Variants in ZNF141 observed in about 807,000 individuals in gnomAD.
ZNF141 encodes the protein zinc finger protein 141 (clone pHZ-44).
In ZNF141, 7 loss-of-function variants were observed where a neutral mutation model predicts 11.3. That is an observed-to-expected ratio of 0.62 (90% CI 0.35 to 1.16). The LOEUF is 1.16. ZNF141 is among the 50% of genes most tolerant of loss of function. The probability of loss-of-function intolerance (pLI) is 0.02; values close to 1 mark genes in which losing one functional copy is unlikely to be tolerated. For missense variants in ZNF141, 535 were observed against 554.0 expected (o/e 0.97, Z 0.34); for synonymous variants, 183 against 190.7 (o/e 0.96, Z 0.33).
chr4:359,901 G>T lies in ZNF141; in HGVS notation c.227-12763G>T, dbSNP rs544764266. Among the ~76,000 whole-genome samples the T allele has an allele frequency of 4.5e-4, 68 of 152,248 alleles. 1 individual carries two copies. Among genetic ancestry groups the T allele is most frequent in the Non-Finnish European group, 8.4e-4 (57 of 68,012 alleles). On this transcript the variant is annotated intron_variant, in intron 3 of 3. Transcript: ENST00000240499. ...ACATGTGCAAGGGGTGCAGTTTGGG[G>T]TAATTCAGAGATCACAGACAGAAGC...
At chr4:352,107 G>C (rs1257354094) in intron 3 of ZNF141, among the ~76,000 whole-genome samples, 1 of 152,164 alleles carries the variant, frequency 6.6e-6, no homozygotes, top group African/African-American at 2.4e-5. Flanking sequence ...AGGTAGGAGG[G>C]CCAGGCATGG....
At position 362,864 on chromosome 4, in the gene ZNF141, C is replaced by G. The variant is rs183626569; in HGVS notation, c.227-9800C>G. Among the ~76,000 whole-genome samples, 788 of 152,218 alleles carry G rather than the reference C, an allele frequency of 5.2e-3. 5 individuals are homozygous for G. The highest frequency in any genetic ancestry group is 0.018 in the African/African-American group (744 of 41,528). ...TAGGATTGTCTTGGCAATGCAGGCT[C>G]TTTTTTGGTTCCATATGAACTTTAA... On this transcript the variant is annotated intron_variant, in intron 3 of 3. Transcript: ENST00000240499.
chr4:353,460 A>ATTTT (rs1203936122), intron 3 of ZNF141, among the ~76,000 whole-genome samples: 2 of 122,882 alleles, frequency 1.6e-5, no homozygotes, highest in East Asian at 2.2e-4. Context: ...TATTATTATT[A>ATTTT]TTATTATTTT....
chr4:363,069 A>G (rs1192850154), intron 3 of ZNF141, among the ~76,000 whole-genome samples: 5 of 152,140 alleles, frequency 3.3e-5, no homozygotes, highest in Admixed American at 6.5e-5. Flanking sequence ...AGTGGTTTGT[A>G]GTTCTCCTTG....
chr4:368,083 C>CA (rs1711835725), intron 3 of ZNF141, among the ~76,000 whole-genome samples: 1 of 152,164 alleles, frequency 6.6e-6, no homozygotes, highest in South Asian at 2.1e-4. Context: ...ATTTTAGAGT[C>CA]AGACTGCTTT....
rs77498951 is a variant in ZNF141 at position 380,419 on chromosome 4, C to T, written c.*6557C>T. On this transcript the variant is annotated 3_prime_UTR_variant, in exon 4 of 4. Coordinates refer to ENST00000240499, the MANE Select transcript of ZNF141 (RefSeq NM_003441.4). ...CTGTAATCCCAGCACTTTGGGCGCC[C>T]AAGGCAGGTGGATCATGAGGTCAGG... Among the ~76,000 whole-genome samples the T allele has an allele frequency of 0.13, 19,844 of 152,014 alleles. 1,605 individuals are homozygous for T. The highest frequency in any genetic ancestry group is 0.23 in the African/African-American group (9,591 of 41,446).
rs921156841 is a variant in ZNF141, at chr4:379,403, T to A, written c.*5541T>A. 4.6e-5 allele frequency among the ~76,000 whole-genome samples: 7 copies of A among 152,114 alleles called. No homozygotes were observed. The highest frequency in any genetic ancestry group is 1.7e-4 in the African/African-American group (7 of 41,498). ...TCTTTATTTTATTTTTGAGACGGAG[T>A]CTCGCTCTGTCGCCAGGCTGGAGTA... On this transcript the variant is annotated 3_prime_UTR_variant, in exon 4 of 4. Transcript: ENST00000240499.
chr4:375,160 ATACT>A lies in ZNF141; in HGVS notation c.*1301_*1304del, dbSNP rs1712303196. The A allele has an allele frequency of 6.6e-6, 1 of 152,202 alleles. No individual in the cohort carries two copies. The highest frequency in any genetic ancestry group is 2.1e-4 in the South Asian group (1 of 4,830). 9.4% of individuals were successfully genotyped at this position (152,202 alleles called of 1,614,324 possible). On this transcript the variant is annotated 3_prime_UTR_variant, in exon 4 of 4. Transcript: ENST00000240499. ...CACATTTTACTAACTAGCAATGTTC[ATACT>A]TAATAAAAACATTATAAATGTAATT...
intron 3 of ZNF141, among the ~76,000 whole-genome samples, chr4:346,865 GTATA>G (rs199732124): frequency 7.3e-6 from 1 of 136,912 alleles, no homozygotes. Flanking sequence ...ATACATGTAT[GTATA>G]TATATGTATA....
At chr4:363,242 C>G (rs1171292484) in intron 3 of ZNF141, among the ~76,000 whole-genome samples, 1 of 152,182 alleles carries the variant, frequency 6.6e-6, no homozygotes, top group African/African-American at 2.4e-5. Context: ...TGAGACTTTG[C>G]TGAAGTTGCT....
rs1553848346 is a variant in ZNF141, at chr4:340,887, C to G, written c.4-2895C>G. 1.3e-5 allele frequency among the ~76,000 whole-genome samples: 2 copies of G among 152,204 alleles called. 1 individual carries two copies. The highest frequency in any genetic ancestry group is 4.8e-5 in the African/African-American group (2 of 41,454). ...ACCAATAAGAATTTCTGACAGCTTT[C>G]TATCAGTTCCGTCTGCCTTTCTTTT... On this transcript the variant is annotated intron_variant, in intron 1 of 3. Transcript: ENST00000240499.
intron 1 of ZNF141, among the ~76,000 whole-genome samples, chr4:339,628 A>G (rs1720958159): frequency 6.6e-6 from 1 of 152,252 alleles, no homozygotes; most frequent in Non-Finnish European, 1.5e-5. Flanking sequence ...TAAAGCATTT[A>G]GTTTGAAAAC....
chr4:368,483 C>A (rs1711857284), intron 3 of ZNF141, among the ~76,000 whole-genome samples: 1 of 152,186 alleles, frequency 6.6e-6, no homozygotes, highest in South Asian at 2.1e-4. Flanking sequence ...CTCAAGCGAT[C>A]CACCTGTCTC....
At position 380,660 on chromosome 4, in the gene ZNF141, C is replaced by CA. The variant is rs34889799; in HGVS notation, c.*6809dup. On this transcript the variant is annotated 3_prime_UTR_variant, in exon 4 of 4. Coordinates refer to ENST00000240499, the MANE Select transcript of ZNF141 (RefSeq NM_003441.4). ...AGAGCAAAACTCCATCCCCCCTGCCCAAAAAAAAAAATTAATTTTCACAGA... is the reference window on the plus strand; with the variant it reads ...AGAGCAAAACTCCATCCCCCCTGCCCAAAAAAAAAAAATTAATTTTCACAGA... Among the ~76,000 whole-genome samples, 62 of 146,976 alleles carry CA rather than the reference C, an allele frequency of 4.2e-4. No homozygotes were observed. The highest frequency in any genetic ancestry group is 6.5e-4 in the South Asian group (3 of 4,612).
chr4:338,790 G>A (rs1015663961), intron 1 of ZNF141, among the ~76,000 whole-genome samples: 3 of 152,220 alleles, frequency 2.0e-5, no homozygotes, highest in Admixed American at 2.0e-4. Context: ...GGTGTCGTTA[G>A]TGAGTTGTTG....
rs368191281 is a variant in ZNF141, at chr4:350,815, C to T, written c.226+6385C>T. Among the ~76,000 whole-genome samples, 87 of 152,226 alleles carry T rather than the reference C, an allele frequency of 5.7e-4. 1 individual carries two copies. Among genetic ancestry groups the T allele is most frequent in the African/African-American group, 1.9e-3 (81 of 41,540 alleles). On this transcript the variant is annotated intron_variant, in intron 3 of 3. Transcript: ENST00000240499. ...AGTGCAGTGGCATGATCTCGGCTCACCGCAAGCTCCACCTCACGGGTTCAT... is the reference window on the plus strand; with the variant it reads ...AGTGCAGTGGCATGATCTCGGCTCATCGCAAGCTCCACCTCACGGGTTCAT...
Position 360,987 on chromosome 4 carries a change from A to T in ZNF141, c.227-11677A>T, listed in dbSNP as rs557748673. The stretch of plus-strand genomic sequence containing the variant: ...AAATTTACCATCTATTTATTGTTTG[A>T]TTATATATTATTCTGTGAGAGAAGC... On this transcript the variant is annotated intron_variant, in intron 3 of 3. Transcript: ENST00000240499. Among the ~76,000 whole-genome samples, 12 of 152,220 alleles carry T rather than the reference A, an allele frequency of 7.9e-5. 1 individual carries two copies. The South Asian group carries it at 2.5e-3, about 32-fold the overall frequency.
At chr4:370,749 A>T (rs1329744573) in intron 3 of ZNF141, among the ~76,000 whole-genome samples, 2 of 149,686 alleles carry the variant, frequency 1.3e-5, no homozygotes, top group Non-Finnish European at 3.0e-5. Flanking sequence ...TTTTTTTTTG[A>T]AATGAAAGTC....
At chr4:364,316 G>C (rs1711623582) in intron 3 of ZNF141, among the ~76,000 whole-genome samples, 1 of 152,114 alleles carries the variant, frequency 6.6e-6, no homozygotes, top group Non-Finnish European at 1.5e-5. Context: ...GAATTCATCT[G>C]GTCCTGGACT....
Sources: allele counts gnomAD v4.1 joint callset (sites outside exome capture counted in the v4.1 genomes callset), GRCh38; gene constraint gnomAD v4.1.1; transcripts MANE v1.5; gene names NCBI Gene and HGNC (gene_info 2026-07-23, HGNC 2026-07-21).